Variants in DBF4 observed in about 807,000 individuals in gnomAD.
The protein encoded by DBF4 is protein DBF4 homolog A.
In DBF4, 25 loss-of-function variants were observed where a neutral mutation model predicts 76.6. The observed-to-expected ratio is 0.33, with a 90% CI of 0.24 to 0.46. The LOEUF (loss-of-function observed/expected upper bound fraction) is 0.46. DBF4 is among the 20% of genes least tolerant of loss of function. DBF4 has a pLI of 1.00. For synonymous variants in DBF4, 213 were observed against 258.0 expected (o/e 0.83, Z 1.67); for missense variants, 638 against 760.8 (o/e 0.84, Z 1.90).
chr7:87,900,739 C>G (rs1425678043), intron 9 of DBF4, 25 bp from the exon 10 acceptor site: 1 of 1,579,956 alleles, frequency 6.3e-7, no homozygotes, highest in African/African-American at 1.4e-5. Flanking sequence ...GCAGTTAATT[C>G]TTTACCATGT....
chr7:87,884,997 A>G lies in DBF4; in HGVS notation c.238A>G (p.Ser80Gly), dbSNP rs1323398911. 1.9e-6 allele frequency: 3 copies of G among 1,610,178 alleles called. No homozygotes were observed. The highest frequency in any genetic ancestry group is 2.5e-6 in the Non-Finnish European group (3 of 1,177,986). Residue 80 changes from serine to glycine, a missense_variant, in exon 3 of 12, where the codon AGC becomes GGC. Transcript: ENST00000265728. ...CTTCTAGCGAGTTGAAGAATTTCTC[A>G]GCAAAGATATCAGTTATCTTATTTC... Reference protein sequence around the residue: ...DLGGRVEEFLSKDISYLISNK... With the variant: ...DLGGRVEEFLGKDISYLISNK...
intron 3 of DBF4, among the ~76,000 whole-genome samples, chr7:87,885,811 A>G (rs906566328): frequency 6.6e-6 from 1 of 152,222 alleles, no homozygotes; most frequent in African/African-American, 2.4e-5. Context: ...CCCCTATTCT[A>G]GAATTATTGA....
chr7:87,886,404 G>A (rs1839353122), intron 3 of DBF4, among the ~76,000 whole-genome samples: 1 of 151,750 alleles, frequency 6.6e-6, no homozygotes, highest in Admixed American at 6.6e-5. Context: ...GCATGATGGT[G>A]CGTGCCTGTA....
At chr7:87,904,555 C>T (rs113823530) in intron 11 of DBF4, 139 bp downstream of exon 11, 3 of 1,008,022 alleles carry the variant, frequency 3.0e-6, no homozygotes, top group Non-Finnish European at 4.1e-6. Context: ...GCCTAGCCAA[C>T]ATGGCAAAAC....
Position 87,876,643 on chromosome 7 carries a change from C to G in DBF4, c.-90C>G. 1.2e-5 allele frequency: 17 copies of G among 1,442,438 alleles called. No homozygotes were observed. The highest frequency in any genetic ancestry group is 1.6e-5 in the Non-Finnish European group (17 of 1,041,520). 89.4% of individuals were successfully genotyped at this position (1,442,438 alleles called of 1,614,324 possible). ...CTGGCGGAAGGAGAGAGGCGGCCGT[C>G]CTGTCAACAGGCCGGGGGAAGCCGT... is the stretch of plus-strand genomic sequence containing the variant. On this transcript the variant is annotated 5_prime_UTR_variant, in exon 1 of 12. Coordinates refer to ENST00000265728, the MANE Select transcript of DBF4 (RefSeq NM_006716.4).
At chr7:87,896,587 C>A (rs1261548225) in intron 7 of DBF4, 77 bp downstream of exon 7, 5 of 1,267,666 alleles carry the variant, frequency 3.9e-6, no homozygotes, top group Non-Finnish European at 5.7e-6. Flanking sequence ...ATCATATAAA[C>A]CACCCTCTAA....
rs1839990524 is a variant in DBF4, at chr7:87,909,482, AAC to A, written c.*1322_*1323del. 1 of 152,204 alleles carries A rather than the reference AAC, an allele frequency of 6.6e-6. No individual in the cohort carries two copies. Among genetic ancestry groups the A allele is most frequent in the South Asian group, 2.1e-4 (1 of 4,830 alleles). The allele number at this position is 152,204 out of a possible 1,614,324, so 9.4% of individuals were successfully genotyped here. ...TAACATCAATGAACACTGGCTTTTT[AAC>A]ACCTTTGTTTTTCATACCAGTACCT... On this transcript the variant is annotated 3_prime_UTR_variant, in exon 12 of 12. Transcript: ENST00000265728.
rs1481452243 is a variant in DBF4 at position 87,900,345 on chromosome 7, C to G, written c.805C>G (p.Leu269Val). ...TATGCAAAAGCAAACTCAGGTTAAA[C>G]TAAGGTTGGTTTGAATCTTTACTTT... ...SSMQKQTQVK[L>V]RIQTDGDKYG... Residue 269 changes from leucine (L) to valine (V), a missense_variant, in exon 9 of 12, where the codon CTA (leucine) becomes GTA (valine). Coordinates refer to ENST00000265728, the MANE Select transcript of DBF4 (RefSeq NM_006716.4). The G allele has an allele frequency of 6.3e-7, 1 of 1,586,296 alleles. No individual in the cohort carries two copies. The highest frequency in any genetic ancestry group is 8.5e-7 in the Non-Finnish European group (1 of 1,172,428).
chr7:87,889,215 G>T (rs1467722565), intron 6 of DBF4, among the ~76,000 whole-genome samples: 3 of 151,956 alleles, frequency 2.0e-5, no homozygotes, highest in Admixed American at 6.6e-5. Context: ...AAGATCTTCT[G>T]GTTGACAGTA....
rs1271081502 is a variant in DBF4, at chr7:87,908,911, CT to C, written c.*749del. The stretch of plus-strand genomic sequence containing the variant: ...CCTGGCCAACATGGTGAAACCTTGT[CT>C]ACTAAAAATACAAAAAATTAGCTGG... On this transcript the variant is annotated 3_prime_UTR_variant, in exon 12 of 12. Coordinates refer to ENST00000265728, the MANE Select transcript of DBF4 (RefSeq NM_006716.4). The C allele has an allele frequency of 6.6e-6, 1 of 152,200 alleles. No homozygotes were observed. The highest frequency in any genetic ancestry group is 2.4e-5 in the African/African-American group (1 of 41,418). The allele number at this position is 152,200 out of a possible 1,614,324, so 9.4% of individuals were successfully genotyped here.
At chr7:87,897,435 C>T (rs770406531) in intron 8 of DBF4, 96 bp downstream of exon 8, 3 of 1,156,652 alleles carry the variant, frequency 2.6e-6, no homozygotes, top group Non-Finnish European at 3.7e-6. Flanking sequence ...CTGTTAGGTT[C>T]CTTTGTGTTT....
chr7:87,906,323 GT>G (rs11295594), intron 11 of DBF4, among the ~76,000 whole-genome samples: 8,247 of 135,424 alleles, frequency 0.061, 308 homozygotes, highest in African/African-American at 0.1. Flanking sequence ...TGTTAGAGTA[GT>G]TTTTTTTTTT....
At chr7:87,886,216 G>C (rs1026397246) in intron 3 of DBF4, among the ~76,000 whole-genome samples, 1 of 152,128 alleles carries the variant, frequency 6.6e-6, no homozygotes, top group Admixed American at 6.5e-5. Flanking sequence ...ATTTCAACGA[G>C]TTTTCCTAGT....
At chr7:87,902,358 CCA>C (rs1198892102) in intron 10 of DBF4, among the ~76,000 whole-genome samples, 1 of 151,826 alleles carries the variant, frequency 6.6e-6, no homozygotes, top group African/African-American at 2.4e-5. Flanking sequence ...TGATTCAATT[CCA>C]CTTGTATCAA....
intron 5 of DBF4, 116 bp from the exon 6 acceptor site, chr7:87,887,867 G>A (rs1314954961): frequency 9.7e-7 from 1 of 1,027,908 alleles, no homozygotes; most frequent in Non-Finnish European, 1.4e-6. Flanking sequence ...TCAGACCATA[G>A]CATAAGAGAT....
intron 2 of DBF4, 112 bp downstream of exon 2, chr7:87,878,337 T>A: frequency 1.2e-6 from 1 of 810,584 alleles, no homozygotes; most frequent in South Asian, 2.0e-5. Context: ...GCACCAAGCT[T>A]AACATTTTTA....
At chr7:87,885,237 G>A (rs560477905) in intron 3 of DBF4, 79 bp downstream of exon 3, 12 of 1,247,280 alleles carry the variant, frequency 9.6e-6, no homozygotes, top group Non-Finnish European at 1.3e-5. Flanking sequence ...CAAGGTGGCA[G>A]TAGAGTTTAC....
chr7:87,896,430 CTGTA>C, intron 6 of DBF4, 40 bp from the exon 7 acceptor site: 1 of 1,555,532 alleles, frequency 6.4e-7, no homozygotes, highest in Non-Finnish European at 8.8e-7. Context: ...GCTGTTTTAA[CTGTA>C]CTTTCAAAGC....
intron 3 of DBF4, among the ~76,000 whole-genome samples, chr7:87,886,261 G>C (rs537491875): frequency 6.6e-6 from 1 of 151,982 alleles, no homozygotes; most frequent in African/African-American, 2.4e-5. Flanking sequence ...GGCTGGGTGC[G>C]GTGGCTCACG....
Sources: allele counts gnomAD v4.1 joint callset (sites outside exome capture counted in the v4.1 genomes callset), GRCh38; gene constraint gnomAD v4.1.1; transcripts MANE v1.5; gene names NCBI Gene and HGNC (gene_info 2026-07-23, HGNC 2026-07-21).